DDIAS: variants seen among roughly 807,000 people sequenced by gnomAD.
DDIAS encodes the protein DNA damage-induced apoptosis suppressor protein.
In DDIAS, 14 loss-of-function variants were observed where a neutral mutation model predicts 15.7. That is an observed-to-expected ratio of 0.89 (90% confidence interval 0.59 to 1.39). The LOEUF is 1.39. Ranked by LOEUF, DDIAS falls within the 40% of genes most tolerant of loss-of-function variation. The probability of loss-of-function intolerance (pLI) is 0.00; values close to 1 mark genes in which losing one functional copy is unlikely to be tolerated. For synonymous variants in DDIAS, 355 were observed against 395.9 expected, an observed-to-expected ratio of 0.90 and a Z score of 1.23; for missense variants, 1,035 against 1,130.9, an observed-to-expected ratio of 0.92 and a Z score of 1.22.
chr11:82,916,728 G>A (rs1860639475), intron 3 of DDIAS, among the ~76,000 whole-genome samples: 1 of 152,130 alleles, frequency 6.6e-6, no homozygotes, highest in African/African-American at 2.4e-5. Flanking sequence ...GAACTTTGTG[G>A]GCATTATATC....
Position 82,934,435 on chromosome 11 carries a change from G to A in DDIAS, c.*100G>A, listed in dbSNP as rs79291652. ...TCTTTACATTTTGAACACTTGGAGA[G>A]AAGCAAATTGAAAACAGGACTCTGC... On this transcript the variant is annotated 3_prime_UTR_variant, in exon 6 of 6. Coordinates refer to ENST00000533655, the MANE Select transcript of DDIAS (RefSeq NM_145018.4). 100,551 of 1,231,978 alleles carry A rather than the reference G, an allele frequency of 0.082. 4,356 individuals are homozygous for A. The highest frequency in any genetic ancestry group is 0.14 in the Middle Eastern group (531 of 3,844). 76.3% of individuals were successfully genotyped at this position (1,231,978 alleles called of 1,614,324 possible). A position where few individuals can be genotyped will look rare whatever the true frequency, so the allele number is the denominator to read the frequency against.
chr11:82,933,047 CTAGTCT>C lies in DDIAS; in HGVS notation c.1710_1715del (p.Ser571_Leu572del), dbSNP rs766066039. The C allele has an allele frequency of 1.2e-6, 2 of 1,605,108 alleles. No homozygotes were observed. The highest frequency in any genetic ancestry group is 1.7e-6 in the Non-Finnish European group (2 of 1,178,992). ...TCACCACACAGGGAGAGTGACCATTCTAGTCTAAATAACAAATATTTGAATGGATGT... is the reference window on the plus strand; with the variant it reads ...TCACCACACAGGGAGAGTGACCATTCAAATAACAAATATTTGAATGGATGT... On this transcript the variant is annotated inframe_deletion, in exon 6 of 6. Transcript: ENST00000533655.
chr11:82,914,686 AT>A lies in DDIAS; in HGVS notation c.-16-34del, dbSNP rs768652012. ...AAAAGAATATGCACTGCAATGAAAGATTTGCCAGTCATCCCAATGGCTATTT... is the reference window on the plus strand; with the variant it reads ...AAAAGAATATGCACTGCAATGAAAGATTGCCAGTCATCCCAATGGCTATTT... On this transcript the variant is annotated intron_variant, in intron 2 of 5. Transcript: ENST00000533655. The A allele has an allele frequency of 3.7e-6, 4 of 1,084,366 alleles. No individual in the cohort carries two copies. In the East Asian group the frequency reaches 9.8e-5, roughly 27 times the overall value. 67.2% of individuals were successfully genotyped at this position (1,084,366 alleles called of 1,614,324 possible).
intron 1 of DDIAS, among the ~76,000 whole-genome samples, chr11:82,903,091 A>G (rs535662067): frequency 6.6e-6 from 1 of 152,360 alleles, no homozygotes; most frequent in South Asian, 2.1e-4. Flanking sequence ...TGAGGCAGGA[A>G]AGAGCTTGAC....
chr11:82,904,667 T>A (rs1860390572), intron 1 of DDIAS, among the ~76,000 whole-genome samples: 1 of 152,186 alleles, frequency 6.6e-6, no homozygotes, highest in South Asian at 2.1e-4. Flanking sequence ...TGAATCAAAC[T>A]CTGGAGTTGG....
At chr11:82,917,207 G>T (rs997249422) in intron 3 of DDIAS, among the ~76,000 whole-genome samples, 1 of 151,964 alleles carries the variant, frequency 6.6e-6, no homozygotes, top group African/African-American at 2.4e-5. Flanking sequence ...ACATGAGTAA[G>T]TTCTTCAGTG....
At position 82,934,303 on chromosome 11, in the gene DDIAS, C is replaced by T. The variant is rs963509315; in HGVS notation, c.2965C>T (p.Arg989Ter). ...AGGCCCACCTTCAGTGTGTGAAACTCGAAGTGCTTGGTCACCTGAATTGTT... is the reference window on the plus strand; with the variant it reads ...AGGCCCACCTTCAGTGTGTGAAACTTGAAGTGCTTGGTCACCTGAATTGTT... ...EKGPPSVCET[R>*]SAWSPELFS Residue 989 changes from arginine to a stop codon, truncating the protein, a stop_gained, in exon 6 of 6, where the codon CGA becomes TGA. Transcript: ENST00000533655. LOFTEE classifies it high-confidence loss of function. The T allele has an allele frequency of 4.4e-6, 7 of 1,600,460 alleles. No homozygotes were observed. The highest frequency in any genetic ancestry group is 1.3e-5 in the African/African-American group (1 of 74,176).
chr11:82,922,567 T>G (rs981301493), intron 3 of DDIAS: 7 of 152,330 alleles, frequency 4.6e-5, no homozygotes, highest in African/African-American at 1.7e-4. Context: ...AAGTTTTGAT[T>G]GTTTTTCTTT....
intron 3 of DDIAS, among the ~76,000 whole-genome samples, chr11:82,918,847 T>G (rs1417368895): frequency 3.3e-5 from 5 of 152,256 alleles, no homozygotes; most frequent in South Asian, 2.1e-4. Context: ...GTGTGTGTGT[T>G]TTTGTAGCTG....
chr11:82,919,984 A>G (rs1196096256), intron 3 of DDIAS, among the ~76,000 whole-genome samples: 1 of 152,006 alleles, frequency 6.6e-6, no homozygotes, highest in African/African-American at 2.4e-5. Context: ...CAGCCTCCCA[A>G]AGCGCTGGGA....
intron 1 of DDIAS, among the ~76,000 whole-genome samples, chr11:82,910,427 A>G (rs552323415): frequency 7.9e-5 from 12 of 151,550 alleles, no homozygotes; most frequent in African/African-American, 2.9e-4. Flanking sequence ...ACAGGTGCAC[A>G]CCAGGCTAAT....
chr11:82,904,352 T>C (rs1330200412), intron 1 of DDIAS, among the ~76,000 whole-genome samples: 1 of 152,184 alleles, frequency 6.6e-6, no homozygotes, highest in African/African-American at 2.4e-5. Context: ...AAAAGATGTG[T>C]TGGTATGTGC....
At chr11:82,911,176 G>A (rs1180242294) in intron 1 of DDIAS, among the ~76,000 whole-genome samples, 2 of 152,186 alleles carry the variant, frequency 1.3e-5, no homozygotes, top group Non-Finnish European at 2.9e-5. Flanking sequence ...GGTTGCTGAA[G>A]GTTGGGGTTG....
At position 82,933,987 on chromosome 11, in the gene DDIAS, A is replaced by G; in HGVS notation, c.2649A>G (p.Ile883Met). The G allele has an allele frequency of 6.2e-7, 1 of 1,612,428 alleles. No homozygotes were observed. The highest frequency in any genetic ancestry group is 1.7e-4 in the Middle Eastern group (1 of 6,048). ...FPSDMLGFQG[I>M]GLGKCLAAYH... ...CAGATATGCTTGGATTCCAAGGCAT[A>G]GGTCTAGGGAAATGCCTTGCTGCCT... The change falls in exon 6 of 6, where the codon ATA (isoleucine) becomes ATG (methionine). Residue 883 changes from isoleucine to methionine, a missense_variant. Ile to Met is a conservative substitution (Grantham distance 10). Coordinates refer to ENST00000533655, the MANE Select transcript of DDIAS (RefSeq NM_145018.4).
At chr11:82,913,486 C>G (rs1666318953) in intron 2 of DDIAS, 100 bp downstream of exon 2, 1 of 246,352 alleles carries the variant, frequency 4.1e-6, no homozygotes, top group Admixed American at 5.7e-5. Context: ...CTCAAGCAAT[C>G]CCCCCACCTC....
At chr11:82,902,186 C>T (rs1373270456) in intron 1 of DDIAS, among the ~76,000 whole-genome samples, 3 of 152,150 alleles carry the variant, frequency 2.0e-5, no homozygotes, top group Non-Finnish European at 4.4e-5. Context: ...AGGGGATCTT[C>T]CAAAATGCTA....
intron 3 of DDIAS, among the ~76,000 whole-genome samples, chr11:82,924,725 G>C (rs1022903469): frequency 3.3e-5 from 5 of 152,048 alleles, no homozygotes; most frequent in African/African-American, 4.8e-5. Context: ...TGAGGTGGGA[G>C]GATCGCTTGA....
chr11:82,933,713 T>C lies in DDIAS; in HGVS notation c.2375T>C (p.Phe792Ser). The C allele has an allele frequency of 6.2e-7, 1 of 1,613,056 alleles. No homozygotes were observed. Among genetic ancestry groups the C allele is most frequent in the African/African-American group, 1.3e-5 (1 of 74,960 alleles). The change falls in exon 6 of 6, where the codon TTC becomes TCC. Residue 792 changes from phenylalanine (F) to serine (S), a missense_variant. By Grantham distance (155) the Phe-to-Ser change is radical. Transcript: ENST00000533655. ...QTRIHGINRA[F>S]KKPVFYSDLD... is the part of the protein sequence containing the mutation. Reference sequence around the variant, plus strand: ...AGAATTCATGGGATAAACAGAGCTTTCAAAAAACCTGTATTTTATTCAGAT... The same window carrying C: ...AGAATTCATGGGATAAACAGAGCTTCCAAAAAACCTGTATTTTATTCAGAT...
Position 82,930,216 on chromosome 11 carries a change from T to A in DDIAS, c.335T>A (p.Leu112Gln). The A allele has an allele frequency of 3.1e-6, 5 of 1,605,562 alleles. No individual in the cohort carries two copies. Among genetic ancestry groups the A allele is most frequent in the Non-Finnish European group, 4.3e-6 (5 of 1,174,954 alleles). ...CTGGACAATGATACAACTCAGAATCTATTAACTAAAGCAGTTGAAACTTGC... is the reference window on the plus strand; with the variant it reads ...CTGGACAATGATACAACTCAGAATCAATTAACTAAAGCAGTTGAAACTTGC... ...ETLDNDTTQNLLTKAVETCFV... is the reference protein window; with the variant it reads ...ETLDNDTTQNQLTKAVETCFV... Residue 112 changes from leucine (L) to glutamine (Q), a missense_variant, in exon 5 of 6, where the codon CTA becomes CAA. Leu to Gln is a moderately radical substitution (Grantham distance 113). Transcript: ENST00000533655.
Sources: allele counts gnomAD v4.1 joint callset (sites outside exome capture counted in the v4.1 genomes callset), GRCh38; gene constraint gnomAD v4.1.1; transcripts MANE v1.5; gene names NCBI Gene and HGNC (gene_info 2026-07-23, HGNC 2026-07-21).